Variants in EXOC6B observed in about 807,000 individuals in gnomAD.
The protein encoded by EXOC6B is SEC15 homolog B.
A neutral mutation model predicts 113.5 loss-of-function variants in EXOC6B; 54 were observed. The ratio of observed to expected loss-of-function variants is 0.48; its 90% confidence interval spans 0.38 to 0.60. The LOEUF is 0.60. EXOC6B is among the 20% of genes least tolerant of loss of function. The pLI, the probability that EXOC6B is intolerant of heterozygous loss-of-function variation, is 0.00. For synonymous variants in EXOC6B, 357 were observed against 339.0 expected (o/e 1.05, Z -0.58); for missense variants, 797 against 977.5 (o/e 0.82, Z 2.46).
chr2:72,553,647 T>A (rs1396937384), intron 8 of EXOC6B, among the ~76,000 whole-genome samples: 1 of 152,104 alleles, frequency 6.6e-6, no homozygotes, highest in Non-Finnish European at 1.5e-5. Context: ...CTAAGTGACA[T>A]ACAGATTATG....
At chr2:72,502,683 C>A (rs1293328518) in intron 11 of EXOC6B, among the ~76,000 whole-genome samples, 1 of 152,136 alleles carries the variant, frequency 6.6e-6, no homozygotes, top group African/African-American at 2.4e-5. Context: ...CCGCCATTTA[C>A]CCTGTTTGAC....
At chr2:72,410,681 A>G (rs1694116734) in intron 18 of EXOC6B, among the ~76,000 whole-genome samples, 1 of 152,206 alleles carries the variant, frequency 6.6e-6, no homozygotes, top group East Asian at 1.9e-4. Flanking sequence ...GTAAAACAAC[A>G]CTGATCTTAT....
intron 1 of EXOC6B, among the ~76,000 whole-genome samples, chr2:72,819,178 A>G (rs561492144): frequency 4.8e-4 from 73 of 152,320 alleles, no homozygotes; most frequent in African/African-American, 1.7e-3. Context: ...ATAAACCTGT[A>G]TATAACATGT....
chr2:72,351,264 TTTCTC>T (rs1689640339), intron 19 of EXOC6B, among the ~76,000 whole-genome samples: 1 of 152,184 alleles, frequency 6.6e-6, no homozygotes, highest in African/African-American at 2.4e-5. Context: ...TTAAGAATAA[TTTCTC>T]TTTTATTTGT....
chr2:72,216,890 G>A (rs4852859), intron 20 of EXOC6B, among the ~76,000 whole-genome samples: 20,363 of 151,896 alleles, frequency 0.13, 1,509 homozygotes, highest in Admixed American at 0.17. Flanking sequence ...AAAACACACC[G>A]GGGCCTGTTG....
chr2:72,498,357 T>C lies in EXOC6B; in HGVS notation c.1337+97A>G, dbSNP rs570866898. The C allele has an allele frequency of 1.1e-5, 8 of 725,176 alleles. No individual in the cohort carries two copies. The African/African-American group carries it at 1.4e-4, about 13-fold the overall frequency. The allele number at this position is 725,176 out of a possible 1,614,324, so 44.9% of individuals were successfully genotyped here. A position where few individuals can be genotyped will look rare whatever the true frequency, so the allele number is the denominator to read the frequency against. ...CTACAAAATATAAGTAACATATACT[T>C]GTTGCCTATAACATCTGAAAACCTT... On this transcript the variant is annotated intron_variant, in intron 13 of 21. Transcript: ENST00000272427.
intron 20 of EXOC6B, among the ~76,000 whole-genome samples, chr2:72,235,017 T>C (rs1007370499): frequency 2.0e-5 from 3 of 152,196 alleles, no homozygotes; most frequent in Non-Finnish European, 4.4e-5. Flanking sequence ...AAAGCAGAAG[T>C]ATCATTTGAG....
chr2:72,454,916 A>C (rs556879893), intron 18 of EXOC6B, among the ~76,000 whole-genome samples: 3 of 152,340 alleles, frequency 2.0e-5, no homozygotes, highest in African/African-American at 7.2e-5. Context: ...CATTGATAAG[A>C]AGCAAATGTT....
At chr2:72,687,621 G>A (rs1241788035) in intron 6 of EXOC6B, among the ~76,000 whole-genome samples, 1 of 152,078 alleles carries the variant, frequency 6.6e-6, no homozygotes. Flanking sequence ...TAACACATTG[G>A]TAACACTGGG....
At chr2:72,329,448 T>G (rs1014251286) in intron 20 of EXOC6B, among the ~76,000 whole-genome samples, 1 of 151,984 alleles carries the variant, frequency 6.6e-6, no homozygotes, top group Non-Finnish European at 1.5e-5. Flanking sequence ...AAAAAATAAA[T>G]CCTATGGACT....
intron 18 of EXOC6B, among the ~76,000 whole-genome samples, chr2:72,447,096 T>G (rs1696628639): frequency 6.6e-6 from 1 of 151,012 alleles, no homozygotes; most frequent in East Asian, 1.9e-4. Context: ...GAGTGAGACT[T>G]CGTCTCAAAA....
chr2:72,361,739 A>AAAACATCTCACACT lies in EXOC6B; in HGVS notation c.2122+17989_2122+17990insAGTGTGAGATGTTT, dbSNP rs780976716. Among the ~76,000 whole-genome samples the AAAACATCTCACACT allele has an allele frequency of 6.9e-4, 105 of 152,308 alleles. 1 individual carries two copies. Among genetic ancestry groups the AAAACATCTCACACT allele is most frequent in the Non-Finnish European group, 1.2e-3 (82 of 68,020 alleles). On this transcript the variant is annotated intron_variant, in intron 19 of 21. Transcript: ENST00000272427. ...AAGGACTGCCTAGTTAATATTCACT[A>AAAACATCTCACACT]AAACATCTCACACCTGAGTCAGAGG... is the stretch of plus-strand genomic sequence containing the variant.
At chr2:72,736,144 C>T (rs1680939419) in intron 2 of EXOC6B, among the ~76,000 whole-genome samples, 1 of 151,408 alleles carries the variant, frequency 6.6e-6, no homozygotes. Flanking sequence ...GAGATCACAC[C>T]ACTGCACTCC....
intron 18 of EXOC6B, among the ~76,000 whole-genome samples, chr2:72,417,754 A>C (rs1353485071): frequency 6.6e-6 from 1 of 152,084 alleles, no homozygotes; most frequent in Non-Finnish European, 1.5e-5. Flanking sequence ...TATGATATAT[A>C]ACTCCCTTAT....
At chr2:72,401,640 T>TACAC (rs1693309422) in intron 18 of EXOC6B, among the ~76,000 whole-genome samples, 1 of 53,942 alleles carries the variant, frequency 1.9e-5, no homozygotes, top group Non-Finnish European at 2.9e-5. Flanking sequence ...TATATATACA[T>TACAC]ATATACATAT....
intron 1 of EXOC6B, among the ~76,000 whole-genome samples, chr2:72,812,159 A>C (rs1685959354): frequency 6.6e-6 from 1 of 152,236 alleles, no homozygotes; most frequent in South Asian, 2.1e-4. Flanking sequence ...AAACTCCTAG[A>C]CTAACAAATG....
chr2:72,733,183 T>G (rs1250133578), intron 2 of EXOC6B, 65 bp from the exon 3 acceptor site: 12 of 1,162,484 alleles, frequency 1.0e-5, no homozygotes, highest in African/African-American at 3.1e-5. Context: ...GAAAAAGATC[T>G]AAATTTAATA....
intron 18 of EXOC6B, among the ~76,000 whole-genome samples, chr2:72,407,040 C>A (rs981370084): frequency 6.6e-6 from 1 of 152,118 alleles, no homozygotes; most frequent in Non-Finnish European, 1.5e-5. Flanking sequence ...GATATCACCA[C>A]CGATCCCACA....
At chr2:72,758,306 G>A (rs72916266) in intron 1 of EXOC6B, among the ~76,000 whole-genome samples, 4,697 of 151,960 alleles carry the variant, frequency 0.031, 230 homozygotes, top group African/African-American at 0.11. Context: ...TCCCTCAAAT[G>A]GGAAGGGGAA....
Sources: gnomAD v4.1 joint callset for allele counts (sites outside exome capture counted in the v4.1 genomes callset) on GRCh38, gnomAD v4.1.1 for gene constraint, MANE v1.5 for transcripts, NCBI Gene and HGNC (gene_info 2026-07-23, HGNC 2026-07-21) for gene names.